PELP1: variants seen among roughly 807,000 people sequenced by gnomAD.
PELP1 encodes proline-, glutamic acid- and leucine-rich protein 1.
PELP1 carries 32 observed loss-of-function variants against 95.5 expected under a neutral mutation model. The ratio of observed to expected loss-of-function variants is 0.34; its 90% CI spans 0.25 to 0.45. The LOEUF is 0.45. Ranked by LOEUF, PELP1 falls within the 20% of genes least tolerant of loss-of-function variation. The pLI is 1.00. For missense variants in PELP1, 1,358 were observed against 1,444.8 expected, an observed-to-expected ratio of 0.94 and a Z score of 0.97; for synonymous variants, 668 against 600.1, an observed-to-expected ratio of 1.11 and a Z score of -1.65.
chr17:4,688,084 T>C (rs1275396992), intron 3 of PELP1, among the ~76,000 whole-genome samples: 1 of 152,108 alleles, frequency 6.6e-6, no homozygotes, highest in Non-Finnish European at 1.5e-5. Context: ...CCTGTAGTCT[T>C]AGCACTTAGG....
chr17:4,692,826 A>G (rs758005686), intron 1 of PELP1, among the ~76,000 whole-genome samples: 4 of 152,106 alleles, frequency 2.6e-5, no homozygotes, highest in Non-Finnish European at 4.4e-5. Context: ...CCTGGCCAAC[A>G]TGGTGAAACC....
Position 4,682,908 on chromosome 17 carries a change from C to G in PELP1, c.465G>C (p.Leu155=). ...GGGCTGCATATCGGAGGAGGTCCCT[C>G]AGGACAGCCACGGCCAGCTCCATTG... The part of the protein sequence containing the change: ...PATMELAVAV[L]RDLLRYAAQL... Residue 155 remains leucine, a synonymous_variant, in exon 4 of 17, where the codon CTG becomes CTC. Coordinates refer to ENST00000572293, the MANE Select transcript of PELP1 (RefSeq NM_014389.3). 1.3e-6 allele frequency: 2 copies of G among 1,574,416 alleles called. No homozygotes were observed. The highest frequency in any genetic ancestry group is 1.7e-6 in the Non-Finnish European group (2 of 1,163,532).
intron 1 of PELP1, among the ~76,000 whole-genome samples, chr17:4,696,362 A>G (rs12325737): frequency 0.98 from 148,900 of 152,292 alleles, 72,872 homozygotes; most frequent in Middle Eastern, 1. Context: ...AGCGAAGACT[A>G]TGAGATGAGA....
chr17:4,686,180 A>G lies in PELP1; in HGVS notation c.421-3228T>C, dbSNP rs1296015778. Among the ~76,000 whole-genome samples the G allele has an allele frequency of 2.0e-5, 3 of 152,134 alleles. No homozygotes were observed. In the South Asian group the frequency reaches 6.2e-4, roughly 32 times the overall value. On this transcript the variant is annotated intron_variant, in intron 3 of 16. Transcript: ENST00000572293. ...CGGCCACTTCCACTGATGCCGGATC[A>G]GGGGGATAGTTACTAATGGTGCTTC...
At position 4,671,356 on chromosome 17, in the gene PELP1, C is replaced by G; in HGVS notation, c.*83G>C. On this transcript the variant is annotated 3_prime_UTR_variant, in exon 17 of 17. Coordinates refer to ENST00000572293, the MANE Select transcript of PELP1 (RefSeq NM_014389.3). ...ACACTTGAGCTTCTGGCTGGGGACC[C>G]AGGTGTGGCAAAAGGCAGAAGCAGC... The G allele has an allele frequency of 1.2e-6, 1 of 801,938 alleles. No homozygotes were observed. Among genetic ancestry groups the G allele is most frequent in the South Asian group, 1.4e-5 (1 of 70,668 alleles). 49.7% of individuals were successfully genotyped at this position (801,938 alleles called of 1,614,324 possible).
chr17:4,685,697 G>C, intron 3 of PELP1, among the ~76,000 whole-genome samples: 1 of 151,502 alleles, frequency 6.6e-6, no homozygotes, highest in Non-Finnish European at 1.5e-5. Context: ...TGGGTGCGGT[G>C]GGGGGTACTG....
intron 1 of PELP1, among the ~76,000 whole-genome samples, chr17:4,694,772 A>C (rs905932744): frequency 6.6e-6 from 1 of 151,140 alleles, no homozygotes; most frequent in African/African-American, 2.4e-5. Context: ...GGAGTTCAAG[A>C]CCAGCCTGGC....
chr17:4,676,982 T>C (rs1567662250), intron 5 of PELP1, among the ~76,000 whole-genome samples, 170 bp from the exon 6 acceptor site: 1 of 152,140 alleles, frequency 6.6e-6, no homozygotes, highest in Non-Finnish European at 1.5e-5. Flanking sequence ...CATGCTTTCA[T>C]GGTAAAAGAC....
chr17:4,689,737 T>A (rs1214456873), intron 3 of PELP1, among the ~76,000 whole-genome samples: 1 of 151,974 alleles, frequency 6.6e-6, no homozygotes, highest in Non-Finnish European at 1.5e-5. Flanking sequence ...ATAAAGAAAA[T>A]GTGGTGTGGG....
intron 5 of PELP1, among the ~76,000 whole-genome samples, chr17:4,681,575 G>T (rs1912688826): frequency 6.6e-6 from 1 of 151,834 alleles, no homozygotes; most frequent in South Asian, 2.1e-4. Flanking sequence ...GTCAAGGCGG[G>T]CGGATCACAA....
chr17:4,674,367 C>T, intron 13 of PELP1, 143 bp downstream of exon 13: 1 of 708,100 alleles, frequency 1.4e-6, no homozygotes, highest in South Asian at 1.9e-5. Flanking sequence ...TGGGGGATCA[C>T]TTATCGCAGT....
chr17:4,681,487 G>C (rs1912683376), intron 5 of PELP1, among the ~76,000 whole-genome samples: 1 of 151,672 alleles, frequency 6.6e-6, no homozygotes, highest in Non-Finnish European at 1.5e-5. Flanking sequence ...CTCCAGTCTG[G>C]GCGACAGAGA....
In PELP1 at chr17:4,685,799, A is replaced by AAAAAAAG. The variant is rs150717757; in HGVS notation, c.421-2848_421-2847insCTTTTTT. Among the ~76,000 whole-genome samples the AAAAAAAG allele has an allele frequency of 1.9e-3, 276 of 143,376 alleles. 1 individual carries two copies. Among genetic ancestry groups the AAAAAAAG allele is most frequent in the Non-Finnish European group, 2.0e-3 (135 of 66,260 alleles). 94.1% of individuals were successfully genotyped at this position (143,376 alleles called of 152,430 possible). ...CAAAATGAAACCATGTCTTAAAAAAAAAAGAACAAAAAAAGGGCTGGGCTT... is the reference window on the plus strand; with the variant it reads ...CAAAATGAAACCATGTCTTAAAAAAAAAAAAAGAAAGAACAAAAAAAGGGCTGGGCTT... On this transcript the variant is annotated intron_variant, in intron 3 of 16. Coordinates refer to ENST00000572293, the MANE Select transcript of PELP1 (RefSeq NM_014389.3).
intron 3 of PELP1, among the ~76,000 whole-genome samples, chr17:4,685,359 T>C (rs180721615): frequency 1.2e-4 from 19 of 152,278 alleles, no homozygotes; most frequent in African/African-American, 4.6e-4. Flanking sequence ...TGTCTCAGTC[T>C]CCTTAGTCAG....
chr17:4,676,298 GTTCC>G, intron 7 of PELP1, 55 bp downstream of exon 7: 1 of 1,588,202 alleles, frequency 6.3e-7, no homozygotes, highest in Non-Finnish European at 8.6e-7. Flanking sequence ...CTCCCCTCCT[GTTCC>G]TTCCTGCCAC....
intron 16 of PELP1, 68 bp from the exon 17 acceptor site, chr17:4,671,599 G>A (rs961392141): frequency 2.2e-5 from 35 of 1,605,958 alleles, no homozygotes; most frequent in Non-Finnish European, 2.9e-5. Context: ...GGTTCAGGCT[G>A]GGCAAACCTC....
rs781554929 is a variant in PELP1, at chr17:4,672,800, G to C, written c.2191C>G (p.Arg731Gly). ...ATGGGGTCCTCATTTGAGCCTGCCC[G>C]GTGGTTCTCAGGGCCAGGAAGAAGC... ...PRLLPGPENH[R>G]AGSNEDPILA... Residue 731 changes from arginine (R) to glycine (G), a missense_variant, in exon 16 of 17, where the codon CGG becomes GGG. Arg to Gly is a moderately radical substitution (Grantham distance 125, BLOSUM62 -2). Coordinates refer to ENST00000572293, the MANE Select transcript of PELP1 (RefSeq NM_014389.3). The C allele has an allele frequency of 1.2e-6, 2 of 1,613,720 alleles. No individual in the cohort carries two copies. The highest frequency in any genetic ancestry group is 1.7e-6 in the Non-Finnish European group (2 of 1,179,714).
intron 1 of PELP1, among the ~76,000 whole-genome samples, chr17:4,697,468 C>T (rs867962283): frequency 6.6e-6 from 1 of 152,070 alleles, no homozygotes; most frequent in Non-Finnish European, 1.5e-5. Flanking sequence ...AAGCTATGAT[C>T]GCGCCACTGC....
At chr17:4,677,748 G>A (rs1006954540) in intron 5 of PELP1, among the ~76,000 whole-genome samples, 3 of 152,120 alleles carry the variant, frequency 2.0e-5, no homozygotes, top group Non-Finnish European at 2.9e-5. Flanking sequence ...GGGCAACATG[G>A]AGAAACCCTA....
Sources: gnomAD v4.1 joint callset for allele counts (sites outside exome capture counted in the v4.1 genomes callset) on GRCh38, gnomAD v4.1.1 for gene constraint, MANE v1.5 for transcripts, NCBI Gene and HGNC (gene_info 2026-07-23, HGNC 2026-07-21) for gene names.